ERICH1: variants seen among roughly 807,000 people sequenced by gnomAD.
ERICH1 encodes glutamate rich 1.
A neutral mutation model predicts 39.6 loss-of-function variants in ERICH1; 56 were observed. The observed-to-expected ratio is 1.41, with a 90% CI of 1.14 to 1.77. ERICH1 has a LOEUF of 1.77. Among genes scored for constraint, ERICH1 ranks in the 40% most tolerant of loss-of-function variants. The pLI is 0.00. For missense variants in ERICH1, 826 were observed against 575.4 expected, an observed-to-expected ratio of 1.44 and a Z score of -4.45; for synonymous variants, 313 against 223.6, an observed-to-expected ratio of 1.40 and a Z score of -3.57.
intron 2 of ERICH1, among the ~76,000 whole-genome samples, chr8:693,289 T>A (rs1470386009): frequency 1.3e-5 from 2 of 152,186 alleles, no homozygotes; most frequent in Non-Finnish European, 2.9e-5. Flanking sequence ...GGAGATCGTG[T>A]CACATACTTT....
intron 2 of ERICH1, among the ~76,000 whole-genome samples, chr8:699,029 C>T (rs1214202596): frequency 6.6e-6 from 1 of 151,886 alleles, no homozygotes; most frequent in Non-Finnish European, 1.5e-5. Flanking sequence ...TCAGTGGAGC[C>T]CAGGAGCTCA....
chr8:642,813 A>G (rs1347529720), intron 3 of ERICH1, among the ~76,000 whole-genome samples: 2 of 152,024 alleles, frequency 1.3e-5, no homozygotes, highest in African/African-American at 4.8e-5. Context: ...CACACCCAGG[A>G]TGTCTACAGG....
In ERICH1 at chr8:707,364, T is replaced by C. The variant is rs145184999; in HGVS notation, c.169+8497A>G. On this transcript the variant is annotated intron_variant, in intron 2 of 5. Transcript: ENST00000262109. ...CTGGGACTACAGGTACCTGCCACCATGCCTGAATAATTTTTGTATTTTTAG... is the reference window on the plus strand; with the variant it reads ...CTGGGACTACAGGTACCTGCCACCACGCCTGAATAATTTTTGTATTTTTAG... Among the ~76,000 whole-genome samples, 830 of 152,076 alleles carry C rather than the reference T, an allele frequency of 5.5e-3. 6 individuals are homozygous for C. Among genetic ancestry groups the C allele is most frequent in the African/African-American group, 0.017 (714 of 41,462 alleles).
At chr8:678,521 G>C (rs1283678094) in intron 3 of ERICH1, among the ~76,000 whole-genome samples, 2 of 152,220 alleles carry the variant, frequency 1.3e-5, no homozygotes, top group Non-Finnish European at 2.9e-5. Flanking sequence ...TTCAGGCTTA[G>C]ATAGGTTCAC....
chr8:650,530 C>T (rs1799812038), intron 3 of ERICH1, among the ~76,000 whole-genome samples: 1 of 152,188 alleles, frequency 6.6e-6, no homozygotes, highest in Non-Finnish European at 1.5e-5. Flanking sequence ...GCAGCCGCCC[C>T]GGTGGCTGCA....
Position 630,468 on chromosome 8 carries a change from A to G in ERICH1, c.977-15184T>C, listed in dbSNP as rs34224943. On this transcript the variant is annotated intron_variant, in intron 3 of 3. Transcript: ENST00000522706. Reference sequence around the variant, plus strand: ...CACACCCTCCCGTGAGCACCCAGACAGACAGAGCTGACACACACCCTCCTG... The same window carrying G: ...CACACCCTCCCGTGAGCACCCAGACGGACAGAGCTGACACACACCCTCCTG... Among the ~76,000 whole-genome samples, 123 of 128,346 alleles carry G rather than the reference A, an allele frequency of 9.6e-4. 2 individuals carry two copies. Among genetic ancestry groups the G allele is most frequent in the African/African-American group, 2.8e-3 (92 of 33,234 alleles). The allele number at this position is 128,346 out of a possible 152,430, so 84.2% of individuals were successfully genotyped here. A position where few individuals can be genotyped will look rare whatever the true frequency, so the allele number is the denominator to read the frequency against.
At chr8:660,914 C>T (rs893832164), downstream of ERICH1, among the ~76,000 whole-genome samples, 3 of 152,062 alleles carry the variant, frequency 2.0e-5, no homozygotes, top group East Asian at 5.8e-4. Context: ...TGCTCCTCCG[C>T]TGGGTCCTGG....
chr8:642,876 C>T (rs1979176), intron 3 of ERICH1, among the ~76,000 whole-genome samples: 76,558 of 151,918 alleles, frequency 0.5, 19,497 homozygotes, highest in Non-Finnish European at 0.56. Flanking sequence ...CTGTGGCAGG[C>T]AGTTCTGGGT....
downstream of ERICH1, chr8:664,098 C>T (rs572182312): frequency 1.5e-4 from 56 of 381,518 alleles, no homozygotes; most frequent in South Asian, 1.8e-3. Context: ...CAAGAACTGA[C>T]GACTGCTTCT....
At chr8:689,086 A>T (rs116413571) in intron 3 of ERICH1, among the ~76,000 whole-genome samples, 164 of 152,204 alleles carry the variant, frequency 1.1e-3, no homozygotes, top group African/African-American at 3.8e-3. Flanking sequence ...ACACTCATAT[A>T]AACTAGGTGA....
intron 3 of ERICH1, among the ~76,000 whole-genome samples, chr8:621,245 C>A (rs921048558): frequency 5.9e-5 from 9 of 151,922 alleles, no homozygotes; most frequent in African/African-American, 2.2e-4. Context: ...CACATCATGC[C>A]AATATTTATA....
At chr8:633,348 C>T (rs971621817) in intron 3 of ERICH1, among the ~76,000 whole-genome samples, 1 of 152,196 alleles carries the variant, frequency 6.6e-6, no homozygotes, top group African/African-American at 2.4e-5. Flanking sequence ...TCAGGATGCA[C>T]TTGTATGATG....
At chr8:697,899 T>C (rs1378717632) in intron 2 of ERICH1, among the ~76,000 whole-genome samples, 4 of 152,098 alleles carry the variant, frequency 2.6e-5, no homozygotes, top group Admixed American at 1.3e-4. Context: ...ACGAGGAGTG[T>C]AGGGACCAGG....
chr8:683,658 A>C (rs1395045467), intron 3 of ERICH1, among the ~76,000 whole-genome samples: 1 of 152,220 alleles, frequency 6.6e-6, no homozygotes, highest in African/African-American at 2.4e-5. Context: ...ATGGTACTGA[A>C]AGACCATACG....
intron 3 of ERICH1, among the ~76,000 whole-genome samples, chr8:649,882 A>C (rs1355063509): frequency 6.6e-6 from 1 of 152,184 alleles, no homozygotes; most frequent in Non-Finnish European, 1.5e-5. Flanking sequence ...TGGGAGGAGC[A>C]GTGGCCCCAG....
intron 3 of ERICH1, among the ~76,000 whole-genome samples, chr8:623,905 C>G (rs1259633237): frequency 1.3e-5 from 2 of 152,068 alleles, no homozygotes; most frequent in African/African-American, 4.8e-5. Context: ...GATAAATTGG[C>G]TACATTAAAA....
intron 2 of ERICH1, among the ~76,000 whole-genome samples, chr8:699,188 C>G (rs1041656546): frequency 6.6e-6 from 1 of 152,114 alleles, no homozygotes; most frequent in Non-Finnish European, 1.5e-5. Context: ...ACAATATGGT[C>G]ACAGTTACCC....
intron 3 of ERICH1, among the ~76,000 whole-genome samples, chr8:635,486 A>T (rs901979864): frequency 2.0e-5 from 3 of 152,136 alleles, no homozygotes; most frequent in Admixed American, 2.0e-4. Context: ...CGCCCCACCC[A>T]GTCCCCACCT....
chr8:624,269 C>G (rs570371106), intron 3 of ERICH1, among the ~76,000 whole-genome samples: 1 of 152,076 alleles, frequency 6.6e-6, no homozygotes, highest in South Asian at 2.1e-4. Flanking sequence ...GTGAAGATAT[C>G]GGAACCACTG....
Sources: allele counts gnomAD v4.1 joint callset (sites outside exome capture counted in the v4.1 genomes callset), GRCh38; gene constraint gnomAD v4.1.1; transcripts MANE v1.5; gene names NCBI Gene and HGNC (gene_info 2026-07-23, HGNC 2026-07-21).